The following CNTLN variants were observed in gnomAD, a reference collection of about 807,000 sequenced individuals.
The protein encoded by CNTLN is centlein, centrosomal protein.
A neutral mutation model predicts 180.0 loss-of-function variants in CNTLN; 212 were observed. The observed-to-expected ratio is 1.18, with a 90% CI of 1.05 to 1.32. CNTLN has a LOEUF of 1.32. Ranked by LOEUF, CNTLN falls within the 40% of genes most tolerant of loss-of-function variation. CNTLN has a pLI of 0.00. For missense variants in CNTLN, 2,095 were observed against 1,610.9 expected (o/e 1.30, Z -5.14); for synonymous variants, 722 against 563.1 (o/e 1.28, Z -3.99).
chr9:17,373,680 T>C (rs115540708), intron 13 of CNTLN, among the ~76,000 whole-genome samples: 136 of 152,282 alleles, frequency 8.9e-4, no homozygotes, highest in African/African-American at 3.2e-3. Context: ...AAAGCTATTG[T>C]AAACAAAAAG....
At chr9:17,434,975 A>AT (rs895094610) in intron 18 of CNTLN, among the ~76,000 whole-genome samples, 2 of 152,076 alleles carry the variant, frequency 1.3e-5, no homozygotes, top group African/African-American at 4.8e-5. Flanking sequence ...TACTTTCAAG[A>AT]TTTTTTTGTC....
At chr9:17,263,415 G>A (rs1050201223) in intron 5 of CNTLN, among the ~76,000 whole-genome samples, 4 of 150,918 alleles carry the variant, frequency 2.7e-5, no homozygotes, top group Admixed American at 6.6e-5. Context: ...GTGTATATGT[G>A]CCACATTTTC....
rs1360734789 is a variant in CNTLN, at chr9:17,315,500, T to C, written c.1341+6248T>C. Among the ~76,000 whole-genome samples, 4 of 152,090 alleles carry C rather than the reference T, an allele frequency of 2.6e-5. 1 individual carries two copies. Reference sequence around the variant, plus strand: ...CAGTTTTTAAAGCTTTTGTCAGCCATGGCCTGTGGCTTTGGTTTTCTTCAT... The same window carrying C: ...CAGTTTTTAAAGCTTTTGTCAGCCACGGCCTGTGGCTTTGGTTTTCTTCAT... On this transcript the variant is annotated intron_variant, in intron 8 of 25. Transcript: ENST00000380647.
chr9:17,432,151 A>G (rs574261643), intron 18 of CNTLN, among the ~76,000 whole-genome samples: 5 of 152,370 alleles, frequency 3.3e-5, no homozygotes, highest in Non-Finnish European at 7.4e-5. Context: ...CAGGGGAAAT[A>G]GCAGACCACT....
intron 19 of CNTLN, among the ~76,000 whole-genome samples, chr9:17,458,070 A>G (rs1163698234): frequency 3.1e-4 from 47 of 151,958 alleles, no homozygotes; most frequent in South Asian, 2.1e-4. Flanking sequence ...TTTTCTCTAC[A>G]TACTTCCAGC....
At chr9:17,499,728 T>A (rs1276587721) in intron 25 of CNTLN, among the ~76,000 whole-genome samples, 1 of 152,162 alleles carries the variant, frequency 6.6e-6, no homozygotes, top group East Asian at 1.9e-4. Flanking sequence ...CCTCTAAATT[T>A]GTTTCAATTA....
At chr9:17,430,033 C>T (rs1587972450) in intron 18 of CNTLN, among the ~76,000 whole-genome samples, 1 of 151,904 alleles carries the variant, frequency 6.6e-6, no homozygotes, top group Non-Finnish European at 1.5e-5. Flanking sequence ...TTTCTGAAAA[C>T]TTACCATATT....
At chr9:17,387,927 C>T (rs1471747105) in intron 13 of CNTLN, among the ~76,000 whole-genome samples, 1 of 134,426 alleles carries the variant, frequency 7.4e-6, no homozygotes, top group East Asian at 2.2e-4. Flanking sequence ...ATCTATTGTA[C>T]TTTTGAAAAA....
At chr9:17,205,293 T>G (rs577859453) in intron 2 of CNTLN, among the ~76,000 whole-genome samples, 4 of 152,250 alleles carry the variant, frequency 2.6e-5, no homozygotes, top group African/African-American at 9.6e-5. Flanking sequence ...GCAATGCAGA[T>G]ATAATAAATG....
At chr9:17,312,356 T>TATA (rs1819204619) in intron 8 of CNTLN, among the ~76,000 whole-genome samples, 1 of 14,832 alleles carries the variant, frequency 6.7e-5, no homozygotes, top group Non-Finnish European at 2.2e-4. Flanking sequence ...TATATATATA[T>TATA]ATATATATTA....
At chr9:17,514,268 T>A in the CNTLN span, among the ~76,000 whole-genome samples, 2 of 152,028 alleles carry the variant, frequency 1.3e-5, no homozygotes, top group African/African-American at 4.8e-5. Flanking sequence ...TGAGACTGCA[T>A]CACTGTACTC....
At chr9:17,295,597 G>A (rs1352738642) in intron 6 of CNTLN, among the ~76,000 whole-genome samples, 2 of 152,060 alleles carry the variant, frequency 1.3e-5, no homozygotes, top group African/African-American at 2.4e-5. Context: ...TTCTTGGTGG[G>A]GGGCCTCCGA....
intron 2 of CNTLN, among the ~76,000 whole-genome samples, chr9:17,205,770 T>G (rs771815341): frequency 3.3e-5 from 5 of 152,210 alleles, no homozygotes; most frequent in African/African-American, 1.2e-4. Context: ...TGGGAAGATA[T>G]CTGAATCCTG....
At chr9:17,353,286 C>CT (rs36048699) in intron 12 of CNTLN, among the ~76,000 whole-genome samples, 7,116 of 127,520 alleles carry the variant, frequency 0.056, 378 homozygotes, top group East Asian at 0.23. Context: ...AACTGCCAAA[C>CT]TTTTTTTTTT....
chr9:17,297,396 A>G (rs898136931), intron 6 of CNTLN, among the ~76,000 whole-genome samples: 6 of 152,188 alleles, frequency 3.9e-5, no homozygotes, highest in African/African-American at 1.4e-4. Flanking sequence ...ATTTTGATGT[A>G]ATAGTGCTTT....
intron 5 of CNTLN, among the ~76,000 whole-genome samples, chr9:17,272,843 T>C (rs1828043742): frequency 6.6e-6 from 1 of 152,140 alleles, no homozygotes; most frequent in South Asian, 2.1e-4. Context: ...TCTGTATATG[T>C]TGGGCACAAA....
chr9:17,409,428 A>G lies in CNTLN; in HGVS notation c.2751A>G (p.Lys917=), dbSNP rs1827669126. ...CAGAAGACAGCCAAACACAAGGAAA[A>G]GAAATAGTACAGACATATTTAAATA... The part of the protein sequence containing the change: ...DPTEDSQTQG[K]EIVQTYLNID... The change falls in exon 16 of 26, where the codon AAA becomes AAG. Residue 917 remains lysine, a synonymous_variant. Coordinates refer to ENST00000380647, the MANE Select transcript of CNTLN (RefSeq NM_017738.4). The G allele has an allele frequency of 1.2e-6, 2 of 1,613,070 alleles. No homozygotes were observed. Among genetic ancestry groups the G allele is most frequent in the Non-Finnish European group, 1.7e-6 (2 of 1,179,594 alleles).
intron 2 of CNTLN, among the ~76,000 whole-genome samples, chr9:17,203,208 G>C (rs567028027): frequency 3.9e-5 from 6 of 152,322 alleles, no homozygotes; most frequent in African/African-American, 1.4e-4. Flanking sequence ...GAGATCCACT[G>C]TTAGTCTGAT....
intron 7 of CNTLN, among the ~76,000 whole-genome samples, chr9:17,308,338 A>G (rs1818878978): frequency 6.6e-6 from 1 of 152,156 alleles, no homozygotes; most frequent in Non-Finnish European, 1.5e-5. Flanking sequence ...GGTTTTCAGT[A>G]ACTCCCTGTT....
Sources: allele counts gnomAD v4.1 joint callset (sites outside exome capture counted in the v4.1 genomes callset), GRCh38; gene constraint gnomAD v4.1.1; transcripts MANE v1.5; gene names NCBI Gene and HGNC (gene_info 2026-07-23, HGNC 2026-07-21).